EP400: variants seen among roughly 807,000 people sequenced by gnomAD.
The protein encoded by EP400 is E1A-binding protein p400.
A neutral mutation model predicts 354.1 loss-of-function variants in EP400; 105 were observed. That is an observed-to-expected ratio of 0.30 (90% CI 0.25 to 0.35). EP400 has a LOEUF of 0.35. Among genes scored for constraint, EP400 ranks in the 10% least tolerant of loss-of-function variants. EP400 has a pLI of 1.00. For missense variants in EP400, 3,280 were observed against 4,121.0 expected, an observed-to-expected ratio of 0.80 and a Z score of 5.59; for synonymous variants, 1,646 against 1,716.9, an observed-to-expected ratio of 0.96 and a Z score of 1.02.
chr12:132,043,942 C>T (rs968337699), intron 34 of EP400, among the ~76,000 whole-genome samples: 1 of 152,240 alleles, frequency 6.6e-6, no homozygotes, highest in East Asian at 1.9e-4. Flanking sequence ...TTGTTCTCCC[C>T]TCGTAGGGAC....
chr12:131,974,680 A>G (rs895679608), intron 2 of EP400, among the ~76,000 whole-genome samples: 3 of 152,254 alleles, frequency 2.0e-5, no homozygotes, highest in South Asian at 2.1e-4. Flanking sequence ...GAATTGTCAT[A>G]ATGGTTTTTG....
At chr12:131,964,400 G>A (rs1892005184) in intron 2 of EP400, among the ~76,000 whole-genome samples, 1 of 152,180 alleles carries the variant, frequency 6.6e-6, no homozygotes, top group African/African-American at 2.4e-5. Flanking sequence ...CTGGGAGGCG[G>A]AGGTTGCAGT....
At chr12:132,046,878 A>C (rs112179647) in intron 39 of EP400, among the ~76,000 whole-genome samples, 270 of 152,354 alleles carry the variant, frequency 1.8e-3, no homozygotes, top group Middle Eastern at 6.8e-3. Flanking sequence ...CTTCCAGGGC[A>C]CGTGCCATGC....
rs773133283 is a variant in EP400, at chr12:132,028,075, G to A, written c.5168G>A (p.Arg1723Gln). The A allele has an allele frequency of 1.6e-5, 26 of 1,614,078 alleles. 1 individual carries two copies. In the Middle Eastern group the frequency reaches 4.9e-4, roughly 31 times the overall value. ...GATCAGATTTATTTAGTCAACGAGC[G>A]GCGCTGTTCTCAAGCTCCAGTCTAT... is the stretch of plus-strand genomic sequence containing the variant. ...RLDQIYLVNE[R>Q]RCSQAPVYGR... is the part of the protein sequence containing the mutation. The change falls in exon 27 of 53, where the codon CGG becomes CAG. Residue 1723 changes from arginine to glutamine, a missense_variant. Around this residue, in one of 20 missense-constraint regions of EP400, gnomAD observed 459 missense variants for 496.9 expected, o/e 0.92. Transcript: ENST00000389561.
intron 5 of EP400, among the ~76,000 whole-genome samples, chr12:131,983,204 C>G (rs577483987): frequency 6.6e-6 from 1 of 152,262 alleles, no homozygotes; most frequent in South Asian, 2.1e-4. Flanking sequence ...AAGTGATGAG[C>G]GGGGCTTGAC....
At chr12:132,040,494 A>G (rs1010650019) in intron 32 of EP400, among the ~76,000 whole-genome samples, 8 of 152,244 alleles carry the variant, frequency 5.3e-5, no homozygotes, top group African/African-American at 1.7e-4. Flanking sequence ...TGGATTTTCC[A>G]TATTGGCTGT....
Position 131,987,730 on chromosome 12 carries a change from C to A in EP400, c.2249C>A (p.Ala750Glu). ...GAGAACCAGGTGCATCAGCGCATTGCGGAGCTGAGGAAAGCAGGTCTGTGG... is the reference window on the plus strand; with the variant it reads ...GAGAACCAGGTGCATCAGCGCATTGAGGAGCTGAGGAAAGCAGGTCTGTGG... ...TLENQVHQRI[A>E]ELRKAGLWSQ... The change falls in exon 7 of 53, where the codon GCG becomes GAG. Residue 750 changes from alanine to glutamate, a missense_variant. Physicochemically the swap from Ala to Glu is moderately radical, Grantham distance 107. This residue lies in a region of EP400 where 800 missense variants were observed against 840.0 expected (regional missense o/e 0.95). Coordinates refer to ENST00000389561, the MANE Select transcript of EP400 (RefSeq NM_015409.5). 1 of 1,609,606 alleles carries A rather than the reference C, an allele frequency of 6.2e-7. No homozygotes were observed. Among genetic ancestry groups the A allele is most frequent in the Non-Finnish European group, 8.5e-7 (1 of 1,178,742 alleles).
chr12:131,996,048 TCCTGAG>T (rs1893203648), intron 12 of EP400, among the ~76,000 whole-genome samples: 1 of 152,258 alleles, frequency 6.6e-6, no homozygotes, highest in Non-Finnish European at 1.5e-5. Flanking sequence ...AGCCTGGATG[TCCTGAG>T]TTTCAGCCAC....
At chr12:132,015,014 CT>C (rs1172079637) in intron 19 of EP400, among the ~76,000 whole-genome samples, 1 of 152,258 alleles carries the variant, frequency 6.6e-6, no homozygotes, top group African/African-American at 2.4e-5. Context: ...CTCTCTGTGC[CT>C]CATCCTCTGC....
At chr12:132,035,813 C>A (rs925009385) in intron 30 of EP400, among the ~76,000 whole-genome samples, 3 of 149,736 alleles carry the variant, frequency 2.0e-5, no homozygotes, top group Non-Finnish European at 3.0e-5. Flanking sequence ...CCCAGGTTCA[C>A]GCGGAACATC....
rs1209359803 is a variant in EP400, at chr12:132,018,191, T to C, written c.4111-19T>C. The C allele has an allele frequency of 6.2e-7, 1 of 1,605,396 alleles. No individual in the cohort carries two copies. The highest frequency in any genetic ancestry group is 8.5e-7 in the Non-Finnish European group (1 of 1,178,024). Reference sequence around the variant, plus strand: ...TTTGCCTCTTCATGCAGCAAGACTTTTTTTCTTTTTCTCTCTAGGAAGCAG... The same window carrying C: ...TTTGCCTCTTCATGCAGCAAGACTTCTTTTCTTTTTCTCTCTAGGAAGCAG... On this transcript the variant is annotated intron_variant, in intron 20 of 52. Coordinates refer to ENST00000389561, the MANE Select transcript of EP400 (RefSeq NM_015409.5). The surrounding 1 kb of genome is among the most constrained non-coding windows in gnomAD (Gnocchi z 4.0).
At position 132,066,745 on chromosome 12, in the gene EP400, T is replaced by C. The variant is rs768024247; in HGVS notation, c.8554-29T>C. On this transcript the variant is annotated intron_variant, in intron 48 of 52. Coordinates refer to ENST00000389561, the MANE Select transcript of EP400 (RefSeq NM_015409.5). ...AGACATACCGTGTCCTGAATTTCTC[T>C]GGACTCTCCCATTATTTCTACTGTT... 3 of 1,598,784 alleles carry C rather than the reference T, an allele frequency of 1.9e-6. No homozygotes were observed. In the African/African-American group the frequency reaches 4.1e-5, roughly 22 times the overall value.
At chr12:132,047,380 C>T (rs762629617) in intron 39 of EP400, among the ~76,000 whole-genome samples, 36 of 152,192 alleles carry the variant, frequency 2.4e-4, no homozygotes, top group African/African-American at 7.5e-4. Context: ...CCGATAGTCA[C>T]GTAGGTTCTT....
In EP400 at chr12:131,986,777, T is replaced by A. The variant is rs1420397345; in HGVS notation, c.2193T>A (p.Ser731=). The change falls in exon 6 of 53, where the codon TCT becomes TCA. Residue 731 remains serine, a synonymous_variant. Transcript: ENST00000389561. ...ATGCCACCTCGTCCCAAGACAGTTC[T>A]CAGGATACGCTGACAGAACAAATAA... is the stretch of plus-strand genomic sequence containing the variant. The part of the protein sequence containing the change: ...AQNATSSQDS[S]QDTLTEQITL... The A allele has an allele frequency of 2.5e-6, 4 of 1,613,466 alleles. No homozygotes were observed. Among genetic ancestry groups the A allele is most frequent in the Non-Finnish European group, 3.4e-6 (4 of 1,179,708 alleles).
chr12:132,062,523 G>GGCAGCAACAGCAGCA lies in EP400; in HGVS notation c.8162_8163insACAGCAGCAGCAGCA (p.Gln2744_Gln2748dup). Reference sequence around the variant, plus strand: ...ACACCTGCACATTTCCAGCTTCTCAGGCAGCAGCAGCAGCAGCAGCAACAA... The same window carrying GGCAGCAACAGCAGCA: ...ACACCTGCACATTTCCAGCTTCTCAGGCAGCAACAGCAGCAGCAGCAGCAGCAGCAGCAGCAACAA... On this transcript the variant is annotated inframe_insertion, in exon 47 of 53. Coordinates refer to ENST00000389561, the MANE Select transcript of EP400 (RefSeq NM_015409.5). 1 of 1,574,220 alleles carries GGCAGCAACAGCAGCA rather than the reference G, an allele frequency of 6.4e-7. No homozygotes were observed. Among genetic ancestry groups the GGCAGCAACAGCAGCA allele is most frequent in the Non-Finnish European group, 8.7e-7 (1 of 1,154,828 alleles).
rs1895915868 is a variant in EP400 at position 132,067,067 on chromosome 12, C to G, written c.8749+98C>G. On this transcript the variant is annotated intron_variant, in intron 49 of 52. Coordinates refer to ENST00000389561, the MANE Select transcript of EP400 (RefSeq NM_015409.5). The surrounding 1 kb of genome is among the most constrained non-coding windows in gnomAD (Gnocchi z 5.3). Reference sequence around the variant, plus strand: ...GCCAGCGACCCGTGTTCTTTCCTCACACCCACCCACTTGAGCGTGCCATCA... The same window carrying G: ...GCCAGCGACCCGTGTTCTTTCCTCAGACCCACCCACTTGAGCGTGCCATCA... 1 of 1,384,416 alleles carries G rather than the reference C, an allele frequency of 7.2e-7. No homozygotes were observed. The highest frequency in any genetic ancestry group is 2.6e-5 in the East Asian group (1 of 38,842). The allele number at this position is 1,384,416 out of a possible 1,614,324, so 85.8% of individuals were successfully genotyped here.
At chr12:131,979,071 G>A (rs1235573831) in intron 2 of EP400, among the ~76,000 whole-genome samples, 1 of 151,990 alleles carries the variant, frequency 6.6e-6, no homozygotes, top group Non-Finnish European at 1.5e-5. Context: ...AAAAAAACTA[G>A]CCAGGCGTGG....
At position 131,965,032 on chromosome 12, in the gene EP400, T is replaced by G. The variant is rs144319746; in HGVS notation, c.1335+3078T>G. 2.6e-5 allele frequency among the ~76,000 whole-genome samples: 4 copies of G among 152,366 alleles called. No homozygotes were observed. In the East Asian group the frequency reaches 7.7e-4, roughly 29 times the overall value. On this transcript the variant is annotated intron_variant, in intron 2 of 52. Coordinates refer to ENST00000389561, the MANE Select transcript of EP400 (RefSeq NM_015409.5). ...GGCGTTAAAAAGTACAGACCAATTATTTTGTACAGTGTCCTTTGATGTGGG... is the reference window on the plus strand; with the variant it reads ...GGCGTTAAAAAGTACAGACCAATTAGTTTGTACAGTGTCCTTTGATGTGGG...
intron 23 of EP400, among the ~76,000 whole-genome samples, chr12:132,021,970 A>T (rs941629226): frequency 1.3e-5 from 2 of 152,206 alleles, no homozygotes; most frequent in Non-Finnish European, 2.9e-5. Flanking sequence ...GTATTATGTT[A>T]TTTCTCAAGT....
Sources: allele counts gnomAD v4.1 joint callset (sites outside exome capture counted in the v4.1 genomes callset), GRCh38; gene constraint gnomAD v4.1.1; regional missense constraint gnomAD v4.1.1; non-coding constraint Gnocchi (gnomAD v3.1); transcripts MANE v1.5; gene names NCBI Gene and HGNC (gene_info 2026-07-23, HGNC 2026-07-21).